Variants in CCDC149 observed in about 807,000 individuals in gnomAD.
CCDC149 encodes coiled-coil domain containing 149, also known as coiled-coil domain-containing protein 149.
In CCDC149, 45 loss-of-function variants were observed where a neutral mutation model predicts 59.9. The observed-to-expected ratio is 0.75, with a 90% CI of 0.59 to 0.96. The LOEUF is 0.96. Among genes scored for constraint, CCDC149 ranks in the 40% least tolerant of loss-of-function variants. CCDC149 has a pLI of 0.00. For synonymous variants in CCDC149, 245 were observed against 260.6 expected (o/e 0.94, Z 0.58); for missense variants, 584 against 664.7 (o/e 0.88, Z 1.33).
chr4:24,946,336 A>G (rs530331951), intron 1 of CCDC149, among the ~76,000 whole-genome samples: 27 of 152,290 alleles, frequency 1.8e-4, no homozygotes, highest in African/African-American at 6.5e-4. Flanking sequence ...TTGTAAAATT[A>G]CTGAGTCCAT....
rs74848601 is a variant in CCDC149 at position 24,928,941 on chromosome 4, G to A, written c.-64-33823C>T. On this transcript the variant is annotated intron_variant, in intron 1 of 12. Transcript: ENST00000389609. ...ATTTATGGTCAACTGAAATGATCTT[G>A]CATTATTGCTAAACTTCATCTGCCA... 7.1e-3 allele frequency among the ~76,000 whole-genome samples: 1,085 copies of A among 152,244 alleles called. 15 individuals are homozygous for A. Among genetic ancestry groups the A allele is most frequent in the African/African-American group, 0.024 (1,017 of 41,534 alleles).
intron 1 of CCDC149, among the ~76,000 whole-genome samples, chr4:24,898,299 T>C (rs574705803): frequency 6.6e-6 from 1 of 152,268 alleles, no homozygotes; most frequent in East Asian, 1.9e-4. Flanking sequence ...AGGTAGGTAC[T>C]GTCATCCTCA....
chr4:24,881,803 T>C (rs374214003), intron 1 of CCDC149, among the ~76,000 whole-genome samples: 1 of 152,256 alleles, frequency 6.6e-6, no homozygotes, highest in Non-Finnish European at 1.5e-5. Flanking sequence ...TAATCTCCTT[T>C]AATCCTCAGG....
At chr4:24,874,007 A>G (rs1333784732) in intron 2 of CCDC149, among the ~76,000 whole-genome samples, 3 of 152,214 alleles carry the variant, frequency 2.0e-5, no homozygotes, top group African/African-American at 7.2e-5. Context: ...ATTCTTTTTG[A>G]TCACAGCCTA....
intron 1 of CCDC149, among the ~76,000 whole-genome samples, chr4:24,928,375 G>A (rs756368600): frequency 3.5e-4 from 53 of 152,210 alleles, no homozygotes; most frequent in Non-Finnish European, 6.6e-4. Context: ...GGGGAGGAGA[G>A]GGTAGGGCAT....
At chr4:24,829,505 G>C (rs987412134) in intron 9 of CCDC149, 3 of 152,090 alleles carry the variant, frequency 2.0e-5, no homozygotes, top group African/African-American at 7.2e-5. Context: ...GAAGGCTGGA[G>C]TTTCCCCCTT....
At chr4:24,939,770 C>T (rs534457479) in intron 1 of CCDC149, among the ~76,000 whole-genome samples, 7 of 152,096 alleles carry the variant, frequency 4.6e-5, no homozygotes, top group South Asian at 2.1e-4. Context: ...GTAACCGATG[C>T]GATCAAGTGG....
chr4:24,869,807 C>T (rs1718926873), intron 3 of CCDC149, among the ~76,000 whole-genome samples: 1 of 152,194 alleles, frequency 6.6e-6, no homozygotes, highest in Non-Finnish European at 1.5e-5. Flanking sequence ...TCAAGACACT[C>T]AAAGGAGCCT....
In CCDC149 at chr4:24,835,029, C is replaced by T. The variant is rs1037803687; in HGVS notation, c.739G>A (p.Ala247Thr). Residue 247 changes from alanine (A) to threonine (T), a missense_variant, in exon 8 of 13, where the codon GCT becomes ACT. Physicochemically the swap from Ala to Thr is moderately conservative, Grantham distance 58. Coordinates refer to ENST00000635206, the MANE Select transcript of CCDC149 (RefSeq NM_001330643.2). The stretch of plus-strand genomic sequence containing the variant: ...TTCGAGTTTTTCCGTCTCTCCAGAG[C>T]ATTCTAAAACAGGATTGGGAGAGAA... The T allele has an allele frequency of 6.2e-7, 1 of 1,612,268 alleles. No homozygotes were observed. Among genetic ancestry groups the T allele is most frequent in the Admixed American group, 1.7e-5 (1 of 59,986 alleles).
chr4:24,814,740 G>A (rs561963373), intron 12 of CCDC149, among the ~76,000 whole-genome samples: 1 of 152,298 alleles, frequency 6.6e-6, no homozygotes, highest in East Asian at 1.9e-4. Flanking sequence ...CGGCAGCAAA[G>A]CCTAAGCTCA....
chr4:24,867,826 G>A (rs1718792641), intron 3 of CCDC149, among the ~76,000 whole-genome samples: 1 of 152,194 alleles, frequency 6.6e-6, no homozygotes, highest in South Asian at 2.1e-4. Flanking sequence ...ACAAACAGGA[G>A]AAGAGCCCAG....
intron 1 of CCDC149, among the ~76,000 whole-genome samples, chr4:24,963,012 C>T (rs922385035): frequency 4.6e-5 from 7 of 151,718 alleles, no homozygotes; most frequent in Non-Finnish European, 4.4e-5. Flanking sequence ...AAAGCATGCT[C>T]TCCTTAGCCA....
intron 1 of CCDC149, among the ~76,000 whole-genome samples, chr4:24,911,307 G>A (rs906009979): frequency 4.6e-5 from 7 of 152,122 alleles, no homozygotes; most frequent in African/African-American, 7.2e-5. Context: ...CACTGTCTAC[G>A]GTATGACCTT....
intron 1 of CCDC149, among the ~76,000 whole-genome samples, chr4:24,910,725 C>CAATG (rs1721823982): frequency 6.6e-6 from 1 of 152,150 alleles, no homozygotes; most frequent in Non-Finnish European, 1.5e-5. Context: ...AAGGCTCAAG[C>CAATG]AATGAGTCAG....
intron 1 of CCDC149, among the ~76,000 whole-genome samples, chr4:24,965,564 A>C (rs1723770778): frequency 6.6e-6 from 1 of 152,262 alleles, no homozygotes; most frequent in Non-Finnish European, 1.5e-5. Context: ...TTAACAATTA[A>C]ATTAGAAAGT....
intron 3 of CCDC149, among the ~76,000 whole-genome samples, chr4:24,864,118 G>A (rs1383432985): frequency 2.6e-5 from 4 of 152,208 alleles, no homozygotes; most frequent in African/African-American, 9.6e-5. Flanking sequence ...CCCGGCGTGG[G>A]CCGGGCTAAC....
At chr4:24,948,668 C>T (rs1174088665) in intron 1 of CCDC149, among the ~76,000 whole-genome samples, 1 of 152,182 alleles carries the variant, frequency 6.6e-6, no homozygotes, top group East Asian at 1.9e-4. Context: ...CCAGTGTCCT[C>T]CTTCCACCAT....
At chr4:24,875,193 G>A (rs1266022058) in intron 2 of CCDC149, among the ~76,000 whole-genome samples, 2 of 152,096 alleles carry the variant, frequency 1.3e-5, no homozygotes, top group Admixed American at 1.3e-4. Flanking sequence ...AGCCGAGCAT[G>A]GTGGCAGGCG....
chr4:24,973,875 T>C (rs1232184068), intron 1 of CCDC149, among the ~76,000 whole-genome samples: 3 of 152,242 alleles, frequency 2.0e-5, no homozygotes, highest in Non-Finnish European at 4.4e-5. Context: ...GTTATGGAAG[T>C]GAACAGAGCT....
Sources: allele counts gnomAD v4.1 joint callset (sites outside exome capture counted in the v4.1 genomes callset), GRCh38; gene constraint gnomAD v4.1.1; transcripts MANE v1.5; gene names NCBI Gene and HGNC (gene_info 2026-07-23, HGNC 2026-07-21).